Variants in SLC10A7 observed in about 807,000 individuals in gnomAD.
SLC10A7 encodes solute carrier family 10 member 7, also known as sodium/bile acid cotransporter 7.
A neutral mutation model predicts 43.2 loss-of-function variants in SLC10A7; 29 were observed. The observed-to-expected ratio is 0.67, with a 90% CI of 0.50 to 0.92. The LOEUF (loss-of-function observed/expected upper bound fraction) is 0.92, where lower values mean the gene tolerates loss of function less well. SLC10A7 is among the 40% of genes least tolerant of loss of function. The probability of loss-of-function intolerance (pLI) is 0.00; values close to 1 mark genes in which losing one functional copy is unlikely to be tolerated. For missense variants in SLC10A7, 295 were observed against 403.2 expected, an observed-to-expected ratio of 0.73 and a Z score of 2.30; for synonymous variants, 152 against 144.8, an observed-to-expected ratio of 1.05 and a Z score of -0.35.
chr4:146,325,999 G>A lies in SLC10A7; in HGVS notation c.436-3C>T. ...AGCAGGGGTGTTATAACGATGCCCT[G>A]AAAGAAATAAAAGAGAGGATGATCA... On this transcript the variant is annotated splice_region_variant and splice_polypyrimidine_tract_variant and intron_variant, in intron 5 of 11. Coordinates refer to ENST00000335472, the MANE Select transcript of SLC10A7 (RefSeq NM_001029998.6). 6.2e-7 allele frequency: 1 copy of A among 1,611,006 alleles called. No individual in the cohort carries two copies. The highest frequency in any genetic ancestry group is 8.5e-7 in the Non-Finnish European group (1 of 1,178,664).
At chr4:146,427,581 G>C (rs1375752715) in intron 5 of SLC10A7, among the ~76,000 whole-genome samples, 5 of 152,246 alleles carry the variant, frequency 3.3e-5, no homozygotes, top group Middle Eastern at 6.8e-3. Context: ...GAATTAAAGG[G>C]CAAAAGGTAG....
chr4:146,286,046 T>C (rs1729897730), intron 9 of SLC10A7, among the ~76,000 whole-genome samples: 1 of 130,884 alleles, frequency 7.6e-6, no homozygotes. Context: ...GTGTTTGGAG[T>C]GGTGAAAAGG....
rs1279314484 is a variant in SLC10A7, at chr4:146,350,501, C to G, written c.436-24505G>C. 2.1e-5 allele frequency among the ~76,000 whole-genome samples: 3 copies of G among 142,340 alleles called. No individual in the cohort carries two copies. In the East Asian group the frequency reaches 6.1e-4, roughly 29 times the overall value. 93.4% of individuals were successfully genotyped at this position (142,340 alleles called of 152,430 possible). A position where few individuals can be genotyped will look rare whatever the true frequency, so the allele number is the denominator to read the frequency against. Reference sequence around the variant, plus strand: ...GGCTTGCTTAGGTAAACAAAGCAGCCGGGAAGCTCGAACTGGGTGGAGCCC... The same window carrying G: ...GGCTTGCTTAGGTAAACAAAGCAGCGGGGAAGCTCGAACTGGGTGGAGCCC... On this transcript the variant is annotated intron_variant, in intron 5 of 11. Transcript: ENST00000335472.
At chr4:146,349,213 C>G (rs1171666647) in intron 5 of SLC10A7, among the ~76,000 whole-genome samples, 1 of 152,136 alleles carries the variant, frequency 6.6e-6, no homozygotes, top group Non-Finnish European at 1.5e-5. Context: ...TAAACAGACA[C>G]TTCTCAAAAG....
At chr4:146,479,063 A>ATTT (rs1329056724) in intron 4 of SLC10A7, among the ~76,000 whole-genome samples, 2 of 152,188 alleles carry the variant, frequency 1.3e-5, no homozygotes, top group Non-Finnish European at 2.9e-5. Flanking sequence ...GAACTTTGAT[A>ATTT]TTTTATCCTA....
intron 10 of SLC10A7, among the ~76,000 whole-genome samples, chr4:146,273,374 A>T (rs1729009335): frequency 6.6e-6 from 1 of 152,176 alleles, no homozygotes. Flanking sequence ...TGTGATGGAA[A>T]GGACGTGGGC....
At chr4:146,506,022 C>T (rs1736864030) in intron 3 of SLC10A7, among the ~76,000 whole-genome samples, 1 of 152,178 alleles carries the variant, frequency 6.6e-6, no homozygotes, top group South Asian at 2.1e-4. Context: ...CCACTTCAGC[C>T]TCTCCGCCTT....
intron 5 of SLC10A7, among the ~76,000 whole-genome samples, chr4:146,416,538 G>A (rs879770679): frequency 1.3e-5 from 2 of 152,112 alleles, no homozygotes; most frequent in Non-Finnish European, 2.9e-5. Flanking sequence ...TTACATCCTG[G>A]TGATATCCTG....
At chr4:146,352,922 C>T (rs1312862154) in intron 5 of SLC10A7, among the ~76,000 whole-genome samples, 2 of 140,650 alleles carry the variant, frequency 1.4e-5, no homozygotes, top group Non-Finnish European at 3.1e-5. Flanking sequence ...TAAATGCCTA[C>T]AAGAGAAAGC....
Position 146,283,614 on chromosome 4 carries a change from A to T in SLC10A7, c.774-349T>A, listed in dbSNP as rs1162063730. ...ATTTACCCAGTGGCTTGAAAGGATA[A>T]ATATATCTCTAAAAATGCTCTTTTC... On this transcript the variant is annotated intron_variant, in intron 9 of 11. Coordinates refer to ENST00000335472, the MANE Select transcript of SLC10A7 (RefSeq NM_001029998.6). Among the ~76,000 whole-genome samples the T allele has an allele frequency of 2.0e-5, 3 of 152,170 alleles. No individual in the cohort carries two copies. In the East Asian group the frequency reaches 5.8e-4, roughly 29 times the overall value.
At chr4:146,434,949 T>A (rs1399697014) in intron 5 of SLC10A7, among the ~76,000 whole-genome samples, 2 of 152,108 alleles carry the variant, frequency 1.3e-5, no homozygotes, top group Non-Finnish European at 2.9e-5. Flanking sequence ...GTCTGTGGAA[T>A]CACACTAGGA....
intron 4 of SLC10A7, among the ~76,000 whole-genome samples, chr4:146,467,218 T>C (rs778506810): frequency 9.9e-5 from 15 of 152,180 alleles, no homozygotes; most frequent in Admixed American, 2.6e-4. Context: ...ACTTACCAGA[T>C]TGTTAGCTCC....
chr4:146,445,941 G>A (rs1393331575), intron 4 of SLC10A7, among the ~76,000 whole-genome samples: 1 of 151,898 alleles, frequency 6.6e-6, no homozygotes. Context: ...GTGCACGGGA[G>A]TCCCCTGAGT....
intron 5 of SLC10A7, among the ~76,000 whole-genome samples, chr4:146,355,803 A>C: frequency 7.1e-6 from 1 of 140,018 alleles, no homozygotes. Flanking sequence ...AAAACCAAAC[A>C]CCGCATATTC....
chr4:146,494,065 A>G (rs1735683259), intron 4 of SLC10A7, among the ~76,000 whole-genome samples: 1 of 152,180 alleles, frequency 6.6e-6, no homozygotes. Flanking sequence ...TCAGTGATAA[A>G]CCTCTGCAAT....
chr4:146,376,411 T>C (rs1284718421), intron 5 of SLC10A7, among the ~76,000 whole-genome samples: 1 of 152,042 alleles, frequency 6.6e-6, no homozygotes, highest in African/African-American at 2.4e-5. Flanking sequence ...AGCCCAAATG[T>C]TGCTTTTTCC....
At chr4:146,485,291 T>A (rs1283349993) in intron 4 of SLC10A7, among the ~76,000 whole-genome samples, 1 of 152,096 alleles carries the variant, frequency 6.6e-6, no homozygotes, top group Non-Finnish European at 1.5e-5. Context: ...TTTTACAACA[T>A]CCAAATAAAG....
At chr4:146,328,018 G>T (rs1733270221) in intron 5 of SLC10A7, among the ~76,000 whole-genome samples, 1 of 152,294 alleles carries the variant, frequency 6.6e-6, no homozygotes, top group Non-Finnish European at 1.5e-5. Context: ...TCATATGGGG[G>T]CCTAGGGAAT....
At chr4:146,437,185 A>G (rs889175946) in intron 5 of SLC10A7, among the ~76,000 whole-genome samples, 5 of 152,070 alleles carry the variant, frequency 3.3e-5, no homozygotes, top group Non-Finnish European at 1.5e-5. Flanking sequence ...GCTACCTGCT[A>G]ATTGAACCAA....
Sources: allele counts gnomAD v4.1 joint callset (sites outside exome capture counted in the v4.1 genomes callset), GRCh38; gene constraint gnomAD v4.1.1; transcripts MANE v1.5; gene names NCBI Gene and HGNC (gene_info 2026-07-23, HGNC 2026-07-21).